Variants in FBP1 observed in about 807,000 individuals in gnomAD.
FBP1 encodes the protein fructose-1,6-bisphosphatase 1.
Under a neutral mutation model 29.9 loss-of-function variants are expected in FBP1, and 22 were observed. That is an observed-to-expected ratio of 0.74 (90% CI 0.53 to 1.05). The LOEUF is 1.05. Ranked by LOEUF, FBP1 falls within the 50% of genes least tolerant of loss-of-function variation. The pLI is 0.00. For synonymous variants in FBP1, 175 were observed against 178.6 expected (o/e 0.98, Z 0.16); for missense variants, 345 against 448.2 (o/e 0.77, Z 2.08).
chr9:94,634,438 T>C (rs1828161542), intron 1 of FBP1, among the ~76,000 whole-genome samples: 1 of 152,232 alleles, frequency 6.6e-6, no homozygotes, highest in Admixed American at 6.5e-5. Flanking sequence ...TTCAGTAATA[T>C]TTTGTTAATT....
At chr9:94,616,444 T>C (rs1827863794) in intron 3 of FBP1, among the ~76,000 whole-genome samples, 1 of 151,294 alleles carries the variant, frequency 6.6e-6, no homozygotes, top group Non-Finnish European at 1.5e-5. Flanking sequence ...TATATATATA[T>C]ATACTTTTTT....
chr9:94,607,087 G>A (rs1301837332), intron 4 of FBP1, 135 bp from the exon 5 acceptor site: 10 of 1,023,718 alleles, frequency 9.8e-6, no homozygotes, highest in Middle Eastern at 2.9e-4. Flanking sequence ...TTGGGGCCCC[G>A]AGACACCTGC....
At position 94,605,554 on chromosome 9, in the gene FBP1, G is replaced by GCC; in HGVS notation, c.726_727dup (p.Ala243GlyfsTer35). On this transcript the variant is annotated frameshift_variant, in exon 6 of 7. Transcript: ENST00000375326. LOFTEE classifies it high-confidence loss of function. ...AGCCACCATGGAGCCCACATACCGG[G>GCC]CCCCATAAGGAGCTGAATTATCCTG... 6.2e-7 allele frequency: 1 copy of GCC among 1,613,904 alleles called. No homozygotes were observed. Among genetic ancestry groups the GCC allele is most frequent in the East Asian group, 2.2e-5 (1 of 44,872 alleles).
intron 6 of FBP1, among the ~76,000 whole-genome samples, chr9:94,604,612 C>T (rs1236913568): frequency 2.0e-5 from 3 of 152,128 alleles, no homozygotes; most frequent in African/African-American, 2.4e-5. Flanking sequence ...GGTGAAACCC[C>T]GTCTCTACTA....
chr9:94,618,028 TAC>T (rs970072851), intron 2 of FBP1, among the ~76,000 whole-genome samples, 168 bp from the exon 3 acceptor site: 1 of 152,136 alleles, frequency 6.6e-6, no homozygotes, highest in African/African-American at 2.4e-5. Flanking sequence ...AATGCACAGA[TAC>T]ACACACATAC....
chr9:94,634,275 C>T (rs1417598172), intron 1 of FBP1, among the ~76,000 whole-genome samples: 1 of 144,702 alleles, frequency 6.9e-6, no homozygotes, highest in African/African-American at 2.6e-5. Flanking sequence ...GCAAGGGCAA[C>T]AGAGCGAGAC....
chr9:94,626,408 T>C (rs1032428712), intron 1 of FBP1, among the ~76,000 whole-genome samples: 4 of 152,166 alleles, frequency 2.6e-5, no homozygotes, highest in African/African-American at 9.7e-5. Flanking sequence ...AATGTCCAGG[T>C]GTCCCTCATG....
chr9:94,609,998 C>T lies in FBP1; in HGVS notation c.490G>A (p.Gly164Ser), dbSNP rs121918188. ...GTGGCACTGCCATACAGTGCGTAGC[C>T]GGCTGCCACCAGGTTCCGGCCTGGT... ...LQPGRNLVAAGYALYGSATML... is the reference protein window; with the variant it reads ...LQPGRNLVAASYALYGSATML... The change falls in exon 4 of 7, where the codon GGC (glycine) becomes AGC (serine). Residue 164 changes from glycine (G) to serine (S), a missense_variant. Coordinates refer to ENST00000375326, the MANE Select transcript of FBP1 (RefSeq NM_000507.4). The T allele has an allele frequency of 1.9e-5, 31 of 1,614,008 alleles. No individual in the cohort carries two copies. The highest frequency in any genetic ancestry group is 1.6e-4 in the East Asian group (7 of 44,904).
chr9:94,634,323 C>T (rs1389387062), intron 1 of FBP1, among the ~76,000 whole-genome samples: 1 of 151,586 alleles, frequency 6.6e-6, no homozygotes, highest in Non-Finnish European at 1.5e-5. Flanking sequence ...AAAAAGAAAG[C>T]ATCTTTCAAA....
chr9:94,611,600 T>A (rs921919271), intron 3 of FBP1, among the ~76,000 whole-genome samples: 10 of 151,924 alleles, frequency 6.6e-5, no homozygotes, highest in East Asian at 5.8e-4. Flanking sequence ...GAAAAAAAAT[T>A]TTTTTTTAAT....
At chr9:94,617,884 A>C in intron 2 of FBP1, 24 bp from the exon 3 acceptor site, 1 of 1,544,006 alleles carries the variant, frequency 6.5e-7, no homozygotes, top group South Asian at 1.1e-5. Flanking sequence ...AAAGAAATAC[A>C]ACCTTAAAAT....
chr9:94,605,811 C>T (rs922078901), intron 5 of FBP1, among the ~76,000 whole-genome samples: 4 of 152,136 alleles, frequency 2.6e-5, no homozygotes, highest in African/African-American at 4.8e-5. Flanking sequence ...GAAGCCCCAA[C>T]GAGGGTATGG....
At chr9:94,627,494 A>G (rs1828043066) in intron 1 of FBP1, among the ~76,000 whole-genome samples, 1 of 152,172 alleles carries the variant, frequency 6.6e-6, no homozygotes, top group South Asian at 2.1e-4. Flanking sequence ...TCAGCAGCCT[A>G]GAGTCAATAG....
chr9:94,612,545 C>T (rs1808253013), intron 3 of FBP1, among the ~76,000 whole-genome samples: 1 of 140,566 alleles, frequency 7.1e-6, no homozygotes, highest in Non-Finnish European at 1.5e-5. Flanking sequence ...TAGCCCAGCC[C>T]CCAATTTTTT....
chr9:94,620,603 G>T, intron 1 of FBP1, 112 bp from the exon 2 acceptor site: 1 of 1,043,406 alleles, frequency 9.6e-7, no homozygotes, highest in South Asian at 1.4e-5. Context: ...AAGAGTTCAT[G>T]TCCTTTGCAG....
Position 94,619,874 on chromosome 9 carries a change from C to CAAAA in FBP1, c.333+451_333+454dup, listed in dbSNP as rs56722632. Among the ~76,000 whole-genome samples the CAAAA allele has an allele frequency of 7.4e-4, 73 of 99,160 alleles. 1 individual carries two copies. Among genetic ancestry groups the CAAAA allele is most frequent in the South Asian group, 1.8e-3 (6 of 3,300 alleles). 65.1% of individuals were successfully genotyped at this position (99,160 alleles called of 152,430 possible). The stretch of plus-strand genomic sequence containing the variant: ...GGGCAACAAGAGCAAAACACTGTCT[C>CAAAA]AAAAAAAAAAAAAAAAAAAAAAAAA... On this transcript the variant is annotated intron_variant, in intron 2 of 6. Coordinates refer to ENST00000375326, the MANE Select transcript of FBP1 (RefSeq NM_000507.4).
intron 5 of FBP1, 129 bp downstream of exon 5, chr9:94,606,686 C>T: frequency 2.3e-6 from 2 of 859,590 alleles, no homozygotes; most frequent in East Asian, 2.7e-5. Context: ...TGCTCAGGAG[C>T]CCCACATGAG....
chr9:94,612,161 G>T (rs561134346), intron 3 of FBP1, among the ~76,000 whole-genome samples: 1 of 152,214 alleles, frequency 6.6e-6, no homozygotes, highest in South Asian at 2.1e-4. Context: ...GAAATTAATG[G>T]CCTTTGTCAA....
At chr9:94,633,790 C>T (rs1259201526) in intron 1 of FBP1, among the ~76,000 whole-genome samples, 3 of 151,796 alleles carry the variant, frequency 2.0e-5, no homozygotes, top group East Asian at 4.0e-4. Context: ...CTGCAAGCTC[C>T]GCCTCCCAGA....
Sources: gnomAD v4.1 joint callset for allele counts (sites outside exome capture counted in the v4.1 genomes callset) on GRCh38, gnomAD v4.1.1 for gene constraint, MANE v1.5 for transcripts, NCBI Gene and HGNC (gene_info 2026-07-23, HGNC 2026-07-21) for gene names.